Variants in MYH11 observed in about 807,000 individuals in gnomAD.
MYH11 encodes the protein myosin heavy chain 11, also known as myosin-11.
A neutral mutation model predicts 246.6 loss-of-function variants in MYH11; 80 were observed. The ratio of observed to expected loss-of-function variants is 0.32; its 90% confidence interval spans 0.27 to 0.39. The LOEUF (loss-of-function observed/expected upper bound fraction) is 0.39. Among genes scored for constraint, MYH11 ranks in the 10% least tolerant of loss-of-function variants. The probability of loss-of-function intolerance (pLI) is 1.00; values close to 1 mark genes in which losing one functional copy is unlikely to be tolerated. For synonymous variants in MYH11, 1,071 were observed against 1,015.5 expected, an observed-to-expected ratio of 1.05 and a Z score of -1.04; for missense variants, 2,158 against 2,546.8, an observed-to-expected ratio of 0.85 and a Z score of 3.29.
chr16:15,804,575 T>A (rs1352448462), intron 3 of MYH11, among the ~76,000 whole-genome samples: 2 of 152,026 alleles, frequency 1.3e-5, no homozygotes. Flanking sequence ...TCAGGAGCAT[T>A]TAGTACATTC....
chr16:15,812,644 A>AC (rs2043167351), intron 3 of MYH11, among the ~76,000 whole-genome samples: 2 of 146,134 alleles, frequency 1.4e-5, no homozygotes, highest in East Asian at 4.3e-4. Flanking sequence ...AAGCCTAGGC[A>AC]GGTGGATCAC....
At chr16:15,746,759 C>T (rs1033007899) in intron 19 of MYH11, among the ~76,000 whole-genome samples, 18 of 152,128 alleles carry the variant, frequency 1.2e-4, no homozygotes, top group African/African-American at 3.9e-4. Flanking sequence ...ATCTAGACAC[C>T]GTCAAGTCCT....
chr16:15,821,571 T>C (rs985068634), intron 3 of MYH11, among the ~76,000 whole-genome samples: 6 of 152,092 alleles, frequency 3.9e-5, no homozygotes, highest in Non-Finnish European at 7.4e-5. Flanking sequence ...CAGAATTTTC[T>C]TTCTTTTTGG....
intron 3 of MYH11, among the ~76,000 whole-genome samples, chr16:15,807,172 G>T (rs143654873): frequency 1.1e-3 from 173 of 152,144 alleles, no homozygotes; most frequent in African/African-American, 3.9e-3. Context: ...TAGAGACAGG[G>T]CCTAGTAAGG....
chr16:15,848,333 A>C (rs2044250546), intron 1 of MYH11, among the ~76,000 whole-genome samples: 1 of 149,264 alleles, frequency 6.7e-6, no homozygotes, highest in African/African-American at 2.5e-5. Flanking sequence ...TTCTGGGTTC[A>C]AGTGATTCTC....
At chr16:15,734,231 TAC>T (rs887385246) in intron 26 of MYH11, among the ~76,000 whole-genome samples, 1 of 152,220 alleles carries the variant, frequency 6.6e-6, no homozygotes, top group Admixed American at 6.5e-5. Flanking sequence ...GACTGACTGA[TAC>T]ACACACAGAC....
At chr16:15,843,874 G>T (rs2044120983) in intron 1 of MYH11, among the ~76,000 whole-genome samples, 1 of 152,072 alleles carries the variant, frequency 6.6e-6, no homozygotes, top group Admixed American at 6.6e-5. Context: ...CAGCTTCCGG[G>T]TGATGATGAT....
chr16:15,776,248 C>A, intron 7 of MYH11, 72 bp from the exon 8 acceptor site: 1 of 1,002,896 alleles, frequency 1.0e-6, no homozygotes, highest in South Asian at 1.3e-5. Context: ...CCATCCCTGT[C>A]ACACCCAATT....
chr16:15,747,654 G>C lies in MYH11; in HGVS notation c.2327C>G (p.Ala776Gly). 6.2e-7 allele frequency: 1 copy of C among 1,614,056 alleles called. No homozygotes were observed. ...CAAATCTCGCTCCTCCTCTAGGTGG[G>C]CCAGGACGCCAGTTCGGAAGAAGAT... ...SKIFFRTGVL[A>G]HLEEERDLKI... is the part of the protein sequence containing the mutation. Residue 776 changes from alanine (A) to glycine (G), a missense_variant, in exon 19 of 41, where the codon GCC (alanine) becomes GGC (glycine). Coordinates refer to ENST00000300036, the MANE Select transcript of MYH11 (RefSeq NM_002474.3).
intron 40 of MYH11, 168 bp downstream of exon 40, chr16:15,714,739 CAG>C (rs1243358297): frequency 5.0e-5 from 43 of 860,366 alleles, no homozygotes; most frequent in Non-Finnish European, 7.1e-5. Flanking sequence ...GGTCTGATCT[CAG>C]TGCCTGGCCC....
At chr16:15,737,680 G>C (rs1461758067) in intron 24 of MYH11, 60 bp from the exon 25 acceptor site, 1 of 1,587,804 alleles carries the variant, frequency 6.3e-7, no homozygotes, top group African/African-American at 1.3e-5. Flanking sequence ...CCGGAAATGA[G>C]CCTTCCTGCC....
At chr16:15,837,832 G>A in intron 2 of MYH11, 76 bp downstream of exon 2, 1 of 1,369,002 alleles carries the variant, frequency 7.3e-7, no homozygotes, top group Non-Finnish European at 1.0e-6. Context: ...ACTGTGCCCA[G>A]CCCTCCCAAC....
chr16:15,798,357 A>G (rs1331347408), intron 4 of MYH11, among the ~76,000 whole-genome samples: 1 of 152,190 alleles, frequency 6.6e-6, no homozygotes. Context: ...TCTTTAGTTC[A>G]AGTCCTGGCA....
At chr16:15,782,792 C>A (rs180787387) in intron 5 of MYH11, 68 of 380,944 alleles carry the variant, frequency 1.8e-4, no homozygotes, top group African/African-American at 1.4e-3. Flanking sequence ...ATGTCATTTA[C>A]ATCATGATGA....
chr16:15,765,507 T>C (rs550849251), intron 9 of MYH11, among the ~76,000 whole-genome samples: 6 of 152,252 alleles, frequency 3.9e-5, no homozygotes, highest in Non-Finnish European at 5.9e-5. Context: ...GGATGGATGA[T>C]GATTAATGCA....
intron 1 of MYH11, among the ~76,000 whole-genome samples, chr16:15,840,382 G>A (rs558266588): frequency 2.2e-4 from 34 of 152,178 alleles, no homozygotes; most frequent in Non-Finnish European, 3.1e-4. Flanking sequence ...TTGAGATGAT[G>A]GATATGCTAA....
At chr16:15,704,997 A>C (rs947867449) in intron 40 of MYH11, among the ~76,000 whole-genome samples, 2 of 152,074 alleles carry the variant, frequency 1.3e-5, no homozygotes, top group Non-Finnish European at 2.9e-5. Flanking sequence ...GGATTTAAAA[A>C]AGAAATTTAA....
At chr16:15,787,791 C>T (rs2042506583) in intron 4 of MYH11, among the ~76,000 whole-genome samples, 2 of 152,040 alleles carry the variant, frequency 1.3e-5, no homozygotes, top group African/African-American at 4.8e-5. Context: ...GATGTAAGTG[C>T]CTCTGGAGTA....
At chr16:15,730,544 A>C (rs1012184038) in intron 27 of MYH11, among the ~76,000 whole-genome samples, 1 of 152,110 alleles carries the variant, frequency 6.6e-6, no homozygotes, top group Non-Finnish European at 1.5e-5. Context: ...TCCACTGCTC[A>C]AAAAATAAAC....
Sources: gnomAD v4.1 joint callset for allele counts (sites outside exome capture counted in the v4.1 genomes callset) on GRCh38, gnomAD v4.1.1 for gene constraint, MANE v1.5 for transcripts, NCBI Gene and HGNC (gene_info 2026-07-23, HGNC 2026-07-21) for gene names.